The following KCNMA1 variants were observed in gnomAD, a reference collection of about 807,000 sequenced individuals.
The protein encoded by KCNMA1 is potassium calcium-activated channel subfamily M alpha 1.
In KCNMA1, 29 loss-of-function variants were observed where a neutral mutation model predicts 140.0. That is an observed-to-expected ratio of 0.21 (90% confidence interval 0.15 to 0.28). KCNMA1 has a LOEUF of 0.28. KCNMA1 is among the 10% of genes least tolerant of loss of function. The pLI, the probability that KCNMA1 is intolerant of heterozygous loss-of-function variation, is 1.00. For synonymous variants in KCNMA1, 612 were observed against 611.9 expected, an observed-to-expected ratio of 1.00 and a Z score of 0.00; for missense variants, 880 against 1,602.2, an observed-to-expected ratio of 0.55 and a Z score of 7.70.
At position 77,637,414 on chromosome 10, in the gene KCNMA1, C is replaced by T; in HGVS notation, c.229G>A (p.Val77Met). The T allele has an allele frequency of 2.5e-6, 4 of 1,613,814 alleles. No homozygotes were observed. Among genetic ancestry groups the T allele is most frequent in the East Asian group, 2.2e-5 (1 of 44,856 alleles). The change falls in exon 1 of 28, where the codon GTG (valine) becomes ATG (methionine). Residue 77 changes from valine (V) to methionine (M), a missense_variant. By Grantham distance (21) the Val-to-Met change is conservative. This residue lies in a region of KCNMA1 where 31 missense variants were observed against 75.0 expected (regional missense o/e 0.41). Transcript: ENST00000286628. The part of the protein sequence containing the change: ...DALIIPVTME[V>M]PCDSRGQRMW... The stretch of plus-strand genomic sequence containing the variant: ...CGTTGGCCCCGGCTGTCGCACGGCA[C>T]CTCCATGGTCACCGGGATGATGAGC...
chr10:77,019,786 T>G (rs1169878192), intron 16 of KCNMA1: 1 of 152,326 alleles, frequency 6.6e-6, no homozygotes, highest in Non-Finnish European at 1.5e-5. Flanking sequence ...GGTGTTTGAA[T>G]AAGATGTGTG....
At chr10:77,484,822 A>G (rs1297747676) in intron 1 of KCNMA1, among the ~76,000 whole-genome samples, 1 of 152,134 alleles carries the variant, frequency 6.6e-6, no homozygotes, top group African/African-American at 2.4e-5. Context: ...TGAAAACTCC[A>G]CTTTGAGAAC....
chr10:77,519,256 A>G (rs9943410), intron 1 of KCNMA1, among the ~76,000 whole-genome samples: 2 of 152,214 alleles, frequency 1.3e-5, no homozygotes, highest in African/African-American at 4.8e-5. Flanking sequence ...ATCACCCCCG[A>G]GTTGCTTTAG....
intron 25 of KCNMA1, among the ~76,000 whole-genome samples, chr10:76,892,402 T>G (rs2040514457): frequency 1.3e-5 from 2 of 152,124 alleles, no homozygotes; most frequent in African/African-American, 4.8e-5. Flanking sequence ...ATCTGAAACA[T>G]AACAGATCTG....
chr10:77,000,900 A>ATATATATATATATATATC (rs1412998914), intron 19 of KCNMA1, among the ~76,000 whole-genome samples: 1 of 128,784 alleles, frequency 7.8e-6, no homozygotes, highest in African/African-American at 2.9e-5. Flanking sequence ...ATATATATAT[A>ATATATATATATATATATC]TCCATCTGCA....
intron 23 of KCNMA1, among the ~76,000 whole-genome samples, chr10:76,929,169 A>G (rs2058619785): frequency 6.6e-6 from 1 of 152,218 alleles, no homozygotes; most frequent in Admixed American, 6.5e-5. Context: ...GACCCATATA[A>G]TCCCAATAAA....
chr10:77,206,325 C>T (rs983253211), intron 3 of KCNMA1, among the ~76,000 whole-genome samples: 3 of 152,062 alleles, frequency 2.0e-5, no homozygotes, highest in Admixed American at 6.6e-5. Context: ...GTCAACCTGA[C>T]GTTGGATTCA....
intron 2 of KCNMA1, among the ~76,000 whole-genome samples, chr10:77,399,865 G>A (rs563366806): frequency 4.1e-4 from 63 of 152,280 alleles, no homozygotes; most frequent in African/African-American, 1.4e-3. Context: ...GGATGTGCTC[G>A]TCTGGGAGAT....
chr10:76,966,125 T>C (rs953113301), intron 20 of KCNMA1, among the ~76,000 whole-genome samples: 3 of 152,222 alleles, frequency 2.0e-5, no homozygotes, highest in African/African-American at 7.2e-5. Flanking sequence ...AGACTTTAGA[T>C]TCCTTAAAGA....
chr10:77,012,415 C>T, intron 17 of KCNMA1: 2 of 1,545,894 alleles, frequency 1.3e-6, no homozygotes, highest in Non-Finnish European at 1.7e-6. Flanking sequence ...AAGTTAAATA[C>T]AACACCAAAA....
chr10:77,099,761 A>G lies in KCNMA1; in HGVS notation c.1223+8720T>C, dbSNP rs927797681. Among the ~76,000 whole-genome samples the G allele has an allele frequency of 2.6e-5, 4 of 152,034 alleles. No individual in the cohort carries two copies. In the East Asian group the frequency reaches 5.8e-4, roughly 22 times the overall value. ...GAAAAAAGTAAAAAGAAGGCATGAT[A>G]CGAGGCATGACAGGCCACAGCAGGA... On this transcript the variant is annotated intron_variant, in intron 9 of 27. Transcript: ENST00000286628.
intron 6 of KCNMA1, among the ~76,000 whole-genome samples, chr10:77,114,311 G>A (rs992376110): frequency 1.4e-4 from 22 of 152,206 alleles, no homozygotes; most frequent in Non-Finnish European, 1.8e-4. Context: ...TAGCAGACCC[G>A]TGACTCTGCA....
At chr10:77,423,031 C>T (rs1403453759) in intron 1 of KCNMA1, among the ~76,000 whole-genome samples, 1 of 152,196 alleles carries the variant, frequency 6.6e-6, no homozygotes. Flanking sequence ...GGTAGGTGTC[C>T]ACATGAACTC....
chr10:77,172,573 C>T (rs2098716897), intron 5 of KCNMA1, among the ~76,000 whole-genome samples: 1 of 151,908 alleles, frequency 6.6e-6, no homozygotes, highest in Non-Finnish European at 1.5e-5. Context: ...GCTGGGCTGC[C>T]TTCTTCAGAG....
chr10:77,289,900 GA>G (rs201705392), intron 2 of KCNMA1, among the ~76,000 whole-genome samples: 1 of 151,106 alleles, frequency 6.6e-6, no homozygotes, highest in Non-Finnish European at 1.5e-5. Flanking sequence ...TTCTAACTGA[GA>G]AAAAAAAAGT....
At chr10:77,389,327 C>T (rs2095727852) in intron 2 of KCNMA1, among the ~76,000 whole-genome samples, 1 of 152,216 alleles carries the variant, frequency 6.6e-6, no homozygotes, top group Admixed American at 6.5e-5. Context: ...CTCAGCCCCT[C>T]CTGGGGGCCT....
intron 1 of KCNMA1, among the ~76,000 whole-genome samples, chr10:77,516,472 G>A (rs1174907965): frequency 3.9e-5 from 6 of 152,208 alleles, no homozygotes; most frequent in African/African-American, 1.4e-4. Flanking sequence ...TGAGGGCAGG[G>A]CCTGCATCTG....
chr10:77,001,656 G>A (rs2153412272), intron 18 of KCNMA1, 76 bp from the exon 19 acceptor site: 2 of 1,138,400 alleles, frequency 1.8e-6, no homozygotes, highest in South Asian at 1.5e-5. Flanking sequence ...AAGGCAGCTG[G>A]AAGGGAGCTG....
chr10:77,506,284 T>A (rs1253700665), intron 1 of KCNMA1, among the ~76,000 whole-genome samples: 1 of 152,114 alleles, frequency 6.6e-6, no homozygotes, highest in Admixed American at 6.5e-5. Flanking sequence ...TCTTCCAGCA[T>A]CTCCCCACTG....
Sources: allele counts gnomAD v4.1 joint callset (sites outside exome capture counted in the v4.1 genomes callset), GRCh38; gene constraint gnomAD v4.1.1; regional missense constraint gnomAD v4.1.1; transcripts MANE v1.5; gene names NCBI Gene and HGNC (gene_info 2026-07-23, HGNC 2026-07-21).